Variants in COG3 observed in about 807,000 individuals in gnomAD.
COG3 encodes component of oligomeric golgi complex 3.
Under a neutral mutation model 114.1 loss-of-function variants are expected in COG3, and 32 were observed. That is an observed-to-expected ratio of 0.28 (90% CI 0.21 to 0.38). The LOEUF is 0.38. Ranked by LOEUF, COG3 falls within the 10% of genes least tolerant of loss-of-function variation. COG3 has a pLI of 1.00. For missense variants in COG3, 813 were observed against 973.2 expected, an observed-to-expected ratio of 0.84 and a Z score of 2.19; for synonymous variants, 352 against 365.7, an observed-to-expected ratio of 0.96 and a Z score of 0.43.
Position 45,494,341 on chromosome 13 carries a change from A to C in COG3, c.1327+855A>C, listed in dbSNP as rs536619554. Among the ~76,000 whole-genome samples, 515 of 152,044 alleles carry C rather than the reference A, an allele frequency of 3.4e-3. 6 individuals carry two copies. The highest frequency in any genetic ancestry group is 7.4e-3 in the Admixed American group (113 of 15,280). On this transcript the variant is annotated intron_variant, in intron 12 of 22. Transcript: ENST00000349995. ...ACTCTGTCTTAAAAAAAAAAAAAAA[A>C]AAACAACCTTTCAAGTAATTATTCT...
intron 9 of COG3, among the ~76,000 whole-genome samples, chr13:45,491,194 G>T (rs895870033): frequency 4.6e-5 from 7 of 152,138 alleles, no homozygotes; most frequent in African/African-American, 1.7e-4. Flanking sequence ...ACTTGGAAAA[G>T]AAAGCTTTCT....
intron 1 of COG3, chr13:45,466,446 C>CTGAA (rs1262616406): frequency 6.6e-6 from 1 of 152,208 alleles, no homozygotes; most frequent in African/African-American, 2.4e-5. Flanking sequence ...TAAACGTTCT[C>CTGAA]TTCACATTCA....
intron 15 of COG3, among the ~76,000 whole-genome samples, chr13:45,510,245 A>G (rs1870714407): frequency 6.6e-6 from 1 of 152,208 alleles, no homozygotes; most frequent in African/African-American, 2.4e-5. Context: ...CAGTTGTTTC[A>G]TTGGGTCAGT....
chr13:45,498,721 G>A (rs1271710832), intron 13 of COG3, among the ~76,000 whole-genome samples: 1 of 146,686 alleles, frequency 6.8e-6, no homozygotes, highest in Admixed American at 6.8e-5. Context: ...GCACCAGACT[G>A]TCTGGATTAC....
At chr13:45,517,917 T>C (rs1871713905) in intron 17 of COG3, among the ~76,000 whole-genome samples, 1 of 152,230 alleles carries the variant, frequency 6.6e-6, no homozygotes, top group African/African-American at 2.4e-5. Context: ...CCTCCAAATA[T>C]TACAAAGCCT....
At chr13:45,505,016 G>A (rs575582107) in intron 14 of COG3, among the ~76,000 whole-genome samples, 3 of 151,804 alleles carry the variant, frequency 2.0e-5, no homozygotes, top group East Asian at 4.0e-4. Context: ...GTGAAACCCC[G>A]TCTCTACTAA....
rs140323144 is a variant in COG3, at chr13:45,526,406, T to C, written c.2230+1355T>C. Reference sequence around the variant, plus strand: ...TGGCCTCAAAATTTTTAATTATGAATGCCTTAGGTTAACTTGAAGTTGAAC... The same window carrying C: ...TGGCCTCAAAATTTTTAATTATGAACGCCTTAGGTTAACTTGAAGTTGAAC... On this transcript the variant is annotated intron_variant, in intron 20 of 22. Coordinates refer to ENST00000349995, the MANE Select transcript of COG3 (RefSeq NM_031431.4). Among the ~76,000 whole-genome samples the C allele has an allele frequency of 7.9e-3, 1,205 of 152,178 alleles. 18 individuals carry two copies. Among genetic ancestry groups the C allele is most frequent in the African/African-American group, 0.027 (1,133 of 41,514 alleles).
At chr13:45,509,858 A>G (rs1476234927) in intron 15 of COG3, 42 bp downstream of exon 15, 1 of 1,464,906 alleles carries the variant, frequency 6.8e-7, no homozygotes, top group East Asian at 2.4e-5. Flanking sequence ...CTTTCACTTG[A>G]AATATTTTTA....
At chr13:45,484,305 T>C (rs958464111) in intron 7 of COG3, among the ~76,000 whole-genome samples, 2 of 152,210 alleles carry the variant, frequency 1.3e-5, no homozygotes, top group Non-Finnish European at 2.9e-5. Context: ...GTACCTATTA[T>C]GTGCTAGTGC....
intron 20 of COG3, among the ~76,000 whole-genome samples, chr13:45,528,878 T>A (rs929064070): frequency 3.3e-5 from 5 of 152,358 alleles, no homozygotes; most frequent in Admixed American, 6.5e-5. Context: ...TCTTGGTATT[T>A]TTTTAGTATA....
chr13:45,532,385 A>G (rs184161703), intron 22 of COG3, among the ~76,000 whole-genome samples: 26 of 151,760 alleles, frequency 1.7e-4, no homozygotes, highest in Middle Eastern at 6.8e-3. Flanking sequence ...TTTTTTTTCT[A>G]TTTTGATTTA....
chr13:45,534,664 A>G (rs374502085), intron 22 of COG3, 38 bp from the exon 23 acceptor site: 15 of 1,486,866 alleles, frequency 1.0e-5, no homozygotes, highest in African/African-American at 1.4e-5. Context: ...ACGGTATTCC[A>G]TAGGAGAACT....
chr13:45,465,284 G>C, intron 1 of COG3, 74 bp downstream of exon 1: 2 of 1,548,382 alleles, frequency 1.3e-6, no homozygotes, highest in Non-Finnish European at 1.7e-6. Flanking sequence ...CAGGACCCCG[G>C]CCTCACTAGC....
At chr13:45,512,206 T>A (rs1870942408) in intron 16 of COG3, among the ~76,000 whole-genome samples, 1 of 152,238 alleles carries the variant, frequency 6.6e-6, no homozygotes, top group African/African-American at 2.4e-5. Flanking sequence ...CATCTCTCTC[T>A]ACGATAATGT....
chr13:45,530,683 A>G lies in COG3; in HGVS notation c.2360A>G (p.Asn787Ser). ...AGATCTCCTCTCCTCCTTTCTAAGAATAATATTCAGCAAGTCTTCCAGAAG... is the reference window on the plus strand; with the variant it reads ...AGATCTCCTCTCCTCCTTTCTAAGAGTAATATTCAGCAAGTCTTCCAGAAG... ...TEFILFKPVR[N>S]NIQQVFQKFH... Residue 787 changes from asparagine (N) to serine (S), a missense_variant and splice_region_variant, in exon 22 of 23, where the codon AAT becomes AGT. Asn to Ser is a conservative substitution (Grantham distance 46, BLOSUM62 1). Around this residue, in one of 2 missense-constraint regions of COG3, gnomAD observed 389 missense variants for 542.6 expected, o/e 0.72. Transcript: ENST00000349995. 1 of 1,586,678 alleles carries G rather than the reference A, an allele frequency of 6.3e-7. No individual in the cohort carries two copies. Among genetic ancestry groups the G allele is most frequent in the Non-Finnish European group, 8.7e-7 (1 of 1,155,134 alleles).
chr13:45,491,046 A>G (rs974932048), intron 9 of COG3, 88 bp downstream of exon 9: 18 of 868,770 alleles, frequency 2.1e-5, no homozygotes, highest in Non-Finnish European at 3.0e-5. Flanking sequence ...ATATTTTATG[A>G]GCAATTGCCT....
chr13:45,528,403 G>T (rs915472101), intron 20 of COG3, among the ~76,000 whole-genome samples: 2 of 151,886 alleles, frequency 1.3e-5, no homozygotes, highest in Admixed American at 1.3e-4. Flanking sequence ...CCTCTCTTGG[G>T]GTCTGGATCA....
rs371539736 is a variant in COG3, at chr13:45,529,857, G to C, written c.2297G>C (p.Arg766Thr). Residue 766 changes from arginine to threonine, a missense_variant, in exon 21 of 23, where the codon AGA (arginine) becomes ACA (threonine). By Grantham distance (71) the Arg-to-Thr change is moderately conservative. This residue lies in a region of COG3 where 389 missense variants were observed against 542.6 expected (regional missense o/e 0.72). Coordinates refer to ENST00000349995, the MANE Select transcript of COG3 (RefSeq NM_031431.4). ...TIKTKLPVTL[R>T]SMSLYLSNKD... is the part of the protein sequence containing the mutation. Reference sequence around the variant, plus strand: ...AAAACAAAGCTGCCTGTGACATTGAGAAGTATGTCCTTGTACCTATCCAAT... The same window carrying C: ...AAAACAAAGCTGCCTGTGACATTGACAAGTATGTCCTTGTACCTATCCAAT... 26 of 1,613,668 alleles carry C rather than the reference G, an allele frequency of 1.6e-5. No individual in the cohort carries two copies. The African/African-American group carries it at 3.1e-4, about 19-fold the overall frequency.
chr13:45,476,149 T>C, intron 1 of COG3, 52 bp from the exon 2 acceptor site: 1 of 1,574,724 alleles, frequency 6.4e-7, no homozygotes, highest in Non-Finnish European at 8.7e-7. Flanking sequence ...TTGAGTTAAG[T>C]TCAGAGAATT....
Sources: gnomAD v4.1 joint callset for allele counts (sites outside exome capture counted in the v4.1 genomes callset) on GRCh38, gnomAD v4.1.1 for gene constraint, gnomAD v4.1.1 regional missense constraint, MANE v1.5 for transcripts, NCBI Gene and HGNC (gene_info 2026-07-23, HGNC 2026-07-21) for gene names.